Variants in NUP155 observed in about 807,000 individuals in gnomAD.
NUP155 encodes nuclear pore complex protein Nup155.
NUP155 carries 71 observed loss-of-function variants against 180.4 expected under a neutral mutation model. The ratio of observed to expected loss-of-function variants is 0.39; its 90% CI spans 0.33 to 0.48. NUP155 has a LOEUF of 0.48. Ranked by LOEUF, NUP155 falls within the 20% of genes least tolerant of loss-of-function variation. The pLI, the probability that NUP155 is intolerant of heterozygous loss-of-function variation, is 0.91. For missense variants in NUP155, 1,553 were observed against 1,648.9 expected (o/e 0.94, Z 1.01); for synonymous variants, 582 against 559.5 (o/e 1.04, Z -0.57).
At chr5:37,361,444 A>G (rs924435100) in intron 3 of NUP155, among the ~76,000 whole-genome samples, 1 of 152,182 alleles carries the variant, frequency 6.6e-6, no homozygotes, top group Non-Finnish European at 1.5e-5. Context: ...TAGACTTTCA[A>G]GAAAGCTTCC....
intron 12 of NUP155, among the ~76,000 whole-genome samples, chr5:37,336,840 C>G (rs1745357373): frequency 6.6e-6 from 1 of 152,196 alleles, no homozygotes; most frequent in African/African-American, 2.4e-5. Context: ...TTTTACTCCT[C>G]CCACTTACAC....
At chr5:37,368,208 CCT>C (rs1491442983) in intron 1 of NUP155, among the ~76,000 whole-genome samples, 7 of 115,900 alleles carry the variant, frequency 6.0e-5, no homozygotes, top group East Asian at 5.3e-4. Flanking sequence ...CAGCGCCAGG[CCT>C]TTTTTTTTTT....
chr5:37,343,915 T>C (rs148478988), intron 9 of NUP155, among the ~76,000 whole-genome samples: 1 of 151,978 alleles, frequency 6.6e-6, no homozygotes, highest in East Asian at 1.9e-4. Flanking sequence ...AGGGAGAAAA[T>C]GGATCTTTAT....
intron 14 of NUP155, 134 bp downstream of exon 14, chr5:37,331,551 G>C (rs868661257): frequency 2.2e-6 from 1 of 455,652 alleles, no homozygotes; most frequent in Non-Finnish European, 3.8e-6. Flanking sequence ...TCCTGCCTGG[G>C]CAACAAGAGC....
At chr5:37,350,026 T>C (rs1746356085) in intron 7 of NUP155, 134 bp downstream of exon 7, 4 of 721,334 alleles carry the variant, frequency 5.5e-6, no homozygotes, top group Non-Finnish European at 1.0e-5. Context: ...TTAAAAGACC[T>C]TATGAATATA....
At chr5:37,344,497 A>G (rs182770225) in intron 9 of NUP155, among the ~76,000 whole-genome samples, 2 of 143,616 alleles carry the variant, frequency 1.4e-5, no homozygotes, top group African/African-American at 5.0e-5. Flanking sequence ...TCAATATTAT[A>G]AAAAAAAAAA....
chr5:37,333,364 G>T, intron 13 of NUP155, 99 bp downstream of exon 13: 2 of 1,099,082 alleles, frequency 1.8e-6, no homozygotes, highest in Non-Finnish European at 2.8e-6. Flanking sequence ...AAAAAAAAAA[G>T]AAAGAAAATT....
intron 32 of NUP155, among the ~76,000 whole-genome samples, chr5:37,296,402 T>A (rs1742573215): frequency 6.6e-6 from 1 of 152,198 alleles, no homozygotes; most frequent in African/African-American, 2.4e-5. Flanking sequence ...CTCTGAAACA[T>A]GTGCTGTGTC....
Position 37,309,626 on chromosome 5 carries a change from T to C in NUP155, c.2629-359A>G, listed in dbSNP as rs191708660. On this transcript the variant is annotated intron_variant, in intron 23 of 34. Transcript: ENST00000231498. ...CCATTAACTCTAATTCACTAAAAGA[T>C]TTACTTGAAGTTTTAGTACTTTTCC... 4 of 202,134 alleles carry C rather than the reference T, an allele frequency of 2.0e-5. No homozygotes were observed. The Admixed American group carries it at 2.1e-4, about 11-fold the overall frequency. The allele number at this position is 202,134 out of a possible 1,614,324, so 12.5% of individuals were successfully genotyped here.
At chr5:37,360,786 A>AGGG (rs751344090) in intron 3 of NUP155, among the ~76,000 whole-genome samples, 194 of 131,792 alleles carry the variant, frequency 1.5e-3, no homozygotes, top group African/African-American at 5.3e-3. Flanking sequence ...ATAAAAAAAA[A>AGGG]GGGGGGGGGG....
intron 1 of NUP155, among the ~76,000 whole-genome samples, chr5:37,369,208 T>C (rs1034129218): frequency 6.6e-6 from 1 of 151,724 alleles, no homozygotes; most frequent in Admixed American, 6.6e-5. Flanking sequence ...GCTGTGATCA[T>C]GCCACTGCAC....
intron 1 of NUP155, 167 bp downstream of exon 1, chr5:37,370,653 GA>G (rs1554134216): frequency 1.1e-5 from 17 of 1,578,072 alleles, no homozygotes; most frequent in Non-Finnish European, 7.7e-6. Flanking sequence ...AGAAAGTGAG[GA>G]AAGGAAAAAA....
At chr5:37,335,625 A>G (rs1745281087) in intron 12 of NUP155, among the ~76,000 whole-genome samples, 1 of 152,150 alleles carries the variant, frequency 6.6e-6, no homozygotes, top group South Asian at 2.1e-4. Flanking sequence ...AAAAATAAGA[A>G]TGTTTTCTTA....
Position 37,292,876 on chromosome 5 carries a change from T to C in NUP155, c.4037+3A>G. 6.4e-7 allele frequency: 1 copy of C among 1,565,738 alleles called. No individual in the cohort carries two copies. On this transcript the variant is annotated splice_donor_region_variant and intron_variant, in intron 34 of 34. Coordinates refer to ENST00000231498, the MANE Select transcript of NUP155 (RefSeq NM_153485.3). The stretch of plus-strand genomic sequence containing the variant: ...GCTGATCCAATATTTAATTCATAAG[T>C]ACCTTTCACAATTTAAAACTTGGCT...
chr5:37,358,429 A>G (rs1746985882), intron 3 of NUP155, among the ~76,000 whole-genome samples: 1 of 152,352 alleles, frequency 6.6e-6, no homozygotes, highest in Middle Eastern at 3.4e-3. Flanking sequence ...ACTGCACTCC[A>G]GCCTGGGTGA....
intron 9 of NUP155, among the ~76,000 whole-genome samples, chr5:37,345,511 A>C (rs1026838176): frequency 4.5e-5 from 4 of 89,486 alleles, no homozygotes; most frequent in Non-Finnish European, 8.7e-5. Context: ...ACTCCATTTC[A>C]AAAAAAAAAA....
At chr5:37,318,754 T>C (rs1358826351) in intron 20 of NUP155, among the ~76,000 whole-genome samples, 3 of 152,188 alleles carry the variant, frequency 2.0e-5, no homozygotes, top group Non-Finnish European at 4.4e-5. Context: ...AAGACGTTCA[T>C]TCTTAAGGCT....
intron 19 of NUP155, 95 bp downstream of exon 19, chr5:37,325,806 T>G (rs1581163783): frequency 1.3e-6 from 1 of 764,670 alleles, no homozygotes; most frequent in African/African-American, 1.8e-5. Context: ...CTTTGCCATC[T>G]TATTTGTGTA....
At position 37,350,140 on chromosome 5, in the gene NUP155, A is replaced by C; in HGVS notation, c.829+20T>G. The stretch of plus-strand genomic sequence containing the variant: ...GTTAGAAATTAGTTGTACTTGCCAA[A>C]TTTATTGTTTTCTACTTACCATCTT... On this transcript the variant is annotated intron_variant, in intron 7 of 34. Transcript: ENST00000231498. 6.4e-7 allele frequency: 1 copy of C among 1,568,860 alleles called. No homozygotes were observed. The highest frequency in any genetic ancestry group is 8.8e-7 in the Non-Finnish European group (1 of 1,138,888).
Sources: gnomAD v4.1 joint callset for allele counts (sites outside exome capture counted in the v4.1 genomes callset) on GRCh38, gnomAD v4.1.1 for gene constraint, MANE v1.5 for transcripts, NCBI Gene and HGNC (gene_info 2026-07-23, HGNC 2026-07-21) for gene names.